ERBB4: variants seen among roughly 807,000 people sequenced by gnomAD.
The protein encoded by ERBB4 is receptor tyrosine-protein kinase erbB-4.
ERBB4 carries 42 observed loss-of-function variants against 158.0 expected under a neutral mutation model. The observed-to-expected ratio is 0.27, with a 90% CI of 0.21 to 0.34. The LOEUF is 0.34. Ranked by LOEUF, ERBB4 falls within the 10% of genes least tolerant of loss-of-function variation. The pLI, the probability that ERBB4 is intolerant of heterozygous loss-of-function variation, is 1.00. For synonymous variants in ERBB4, 583 were observed against 558.7 expected (o/e 1.04, Z -0.61); for missense variants, 1,333 against 1,624.1 (o/e 0.82, Z 3.08).
chr2:211,570,882 C>T (rs1279013430), intron 19 of ERBB4, among the ~76,000 whole-genome samples: 1 of 152,016 alleles, frequency 6.6e-6, no homozygotes, highest in African/African-American at 2.4e-5. Context: ...TCATCAAATA[C>T]CTCATTTTCA....
intron 15 of ERBB4, among the ~76,000 whole-genome samples, chr2:211,658,940 A>G (rs1449692269): frequency 1.3e-5 from 2 of 152,142 alleles, no homozygotes; most frequent in Non-Finnish European, 2.9e-5. Flanking sequence ...CAGCTCCAGA[A>G]CATTATCAAG....
At chr2:212,097,253 GA>G (rs1177573556) in intron 2 of ERBB4, among the ~76,000 whole-genome samples, 4 of 152,112 alleles carry the variant, frequency 2.6e-5, no homozygotes, top group African/African-American at 9.7e-5. Context: ...GCAGAAGGGA[GA>G]GGGGAAAAGT....
At chr2:212,331,321 A>C (rs7603579) in intron 1 of ERBB4, among the ~76,000 whole-genome samples, 148,254 of 150,974 alleles carry the variant, frequency 0.98, 72,853 homozygotes, top group Middle Eastern at 1. Context: ...AATCATACAA[A>C]TAATTAGTAT....
intron 3 of ERBB4, among the ~76,000 whole-genome samples, chr2:211,861,018 A>ATATATATT (rs1553648270): frequency 0.065 from 1,343 of 20,684 alleles, 208 homozygotes; most frequent in African/African-American, 0.29. Context: ...TTATATATTT[A>ATATATATT]TATATATATA....
At chr2:211,857,143 A>C (rs886116516) in intron 3 of ERBB4, among the ~76,000 whole-genome samples, 1 of 146,376 alleles carries the variant, frequency 6.8e-6, no homozygotes, top group African/African-American at 2.5e-5. Context: ...GACTCTGTGT[A>C]TATCTCTGTG....
At chr2:211,700,644 A>T (rs1000948004) in intron 12 of ERBB4, among the ~76,000 whole-genome samples, 2 of 152,224 alleles carry the variant, frequency 1.3e-5, no homozygotes, top group Non-Finnish European at 2.9e-5. Context: ...TGACAACTCA[A>T]TAAACAAATT....
intron 3 of ERBB4, 93 bp from the exon 4 acceptor site, chr2:211,788,252 A>G (rs986246582): frequency 8.7e-6 from 8 of 914,584 alleles, no homozygotes; most frequent in South Asian, 5.7e-5. Flanking sequence ...ACTATTTTCA[A>G]TGTTAAATTA....
chr2:212,186,300 A>G lies in ERBB4; in HGVS notation c.83-61397T>C, dbSNP rs116980766. Reference sequence around the variant, plus strand: ...CCGTTCTTGGCTGCCCACATTAATGATGTGTGTGCCTACAAACTGGTTTAA... The same window carrying G: ...CCGTTCTTGGCTGCCCACATTAATGGTGTGTGTGCCTACAAACTGGTTTAA... On this transcript the variant is annotated intron_variant, in intron 1 of 27. Coordinates refer to ENST00000342788, the MANE Select transcript of ERBB4 (RefSeq NM_005235.3). 7.6e-4 allele frequency among the ~76,000 whole-genome samples: 116 copies of G among 152,274 alleles called. 4 individuals are homozygous for G. The East Asian group carries it at 0.018, about 24-fold the overall frequency.
chr2:211,649,955 T>G (rs2070923479), intron 16 of ERBB4, among the ~76,000 whole-genome samples: 1 of 151,978 alleles, frequency 6.6e-6, no homozygotes, highest in African/African-American at 2.4e-5. Flanking sequence ...ATATACATAG[T>G]ACAGAAGAAT....
chr2:211,520,410 G>A (rs2066155060), intron 20 of ERBB4, among the ~76,000 whole-genome samples: 1 of 152,062 alleles, frequency 6.6e-6, no homozygotes, highest in Non-Finnish European at 1.5e-5. Flanking sequence ...AACATGGGTT[G>A]GCAAAATATA....
At chr2:211,621,275 A>C (rs189545985) in intron 18 of ERBB4, among the ~76,000 whole-genome samples, 13 of 152,034 alleles carry the variant, frequency 8.6e-5, no homozygotes, top group Admixed American at 7.2e-4. Context: ...AAATTTTACT[A>C]TCTGATACAC....
At chr2:211,813,473 A>G (rs2076806133) in intron 3 of ERBB4, among the ~76,000 whole-genome samples, 1 of 152,232 alleles carries the variant, frequency 6.6e-6, no homozygotes, top group Non-Finnish European at 1.5e-5. Context: ...AGTTTGCTAC[A>G]TGAAGAATCC....
chr2:212,377,341 T>A lies in ERBB4; in HGVS notation c.82+161108A>T, dbSNP rs141974155. Among the ~76,000 whole-genome samples the A allele has an allele frequency of 8.1e-3, 1,229 of 151,394 alleles. 18 individuals are homozygous for A. The highest frequency in any genetic ancestry group is 0.029 in the African/African-American group (1,186 of 41,352). On this transcript the variant is annotated intron_variant, in intron 1 of 27. Transcript: ENST00000342788. ...TTCTATAGAGATATGTTCTGATAAATGTGTCATTAGGCAATTTTGCCATTG... is the reference window on the plus strand; with the variant it reads ...TTCTATAGAGATATGTTCTGATAAAAGTGTCATTAGGCAATTTTGCCATTG...
chr2:211,449,118 G>C (rs958319952), intron 20 of ERBB4, among the ~76,000 whole-genome samples: 2 of 152,028 alleles, frequency 1.3e-5, no homozygotes, highest in African/African-American at 4.8e-5. Flanking sequence ...TTGATAACTA[G>C]TATTTAAGAT....
chr2:212,050,775 T>A (rs1302528280), intron 2 of ERBB4, among the ~76,000 whole-genome samples: 1 of 152,096 alleles, frequency 6.6e-6, no homozygotes, highest in Non-Finnish European at 1.5e-5. Context: ...TTTAGCCTAT[T>A]TTTTTCTTTT....
At chr2:212,165,776 T>C (rs1226174158) in intron 1 of ERBB4, among the ~76,000 whole-genome samples, 1 of 152,020 alleles carries the variant, frequency 6.6e-6, no homozygotes, top group Admixed American at 6.6e-5. Context: ...TGCTTGTTAG[T>C]GGAAAACATA....
intron 1 of ERBB4, among the ~76,000 whole-genome samples, chr2:212,226,023 G>T (rs542097509): frequency 6.6e-6 from 1 of 152,140 alleles, no homozygotes; most frequent in Admixed American, 6.6e-5. Flanking sequence ...AGATTATCCT[G>T]GTTGAGCCTG....
intron 1 of ERBB4, among the ~76,000 whole-genome samples, chr2:212,210,873 T>C (rs1048948504): frequency 6.6e-6 from 1 of 152,256 alleles, no homozygotes; most frequent in South Asian, 2.1e-4. Context: ...TATTGCTGAA[T>C]TCACAATTTA....
chr2:211,905,770 A>C (rs2079376560), intron 3 of ERBB4, among the ~76,000 whole-genome samples: 1 of 144,252 alleles, frequency 6.9e-6, no homozygotes, highest in African/African-American at 2.6e-5. Flanking sequence ...ATATACTATT[A>C]TGTATACAAC....
Sources: gnomAD v4.1 joint callset for allele counts (sites outside exome capture counted in the v4.1 genomes callset) on GRCh38, gnomAD v4.1.1 for gene constraint, MANE v1.5 for transcripts, NCBI Gene and HGNC (gene_info 2026-07-23, HGNC 2026-07-21) for gene names.